Variants in IFT52 observed in about 807,000 individuals in gnomAD.
IFT52 encodes the protein intraflagellar transport protein 52 homolog.
IFT52 carries 44 observed loss-of-function variants against 54.4 expected under a neutral mutation model. The observed-to-expected ratio is 0.81, with a 90% CI of 0.63 to 1.04. IFT52 has a LOEUF of 1.04. Among genes scored for constraint, IFT52 ranks in the 50% least tolerant of loss-of-function variants. The pLI, the probability that IFT52 is intolerant of heterozygous loss-of-function variation, is 0.00. For missense variants in IFT52, 452 were observed against 523.6 expected (o/e 0.86, Z 1.33); for synonymous variants, 181 against 185.3 (o/e 0.98, Z 0.19).
intron 6 of IFT52, among the ~76,000 whole-genome samples, chr20:43,606,798 A>G (rs1005924011): frequency 6.6e-6 from 1 of 152,172 alleles, no homozygotes; most frequent in South Asian, 2.1e-4. Flanking sequence ...CTTAACGAGC[A>G]TGCTGCCTTC....
intron 13 of IFT52, 23 bp downstream of exon 13, chr20:43,642,647 T>C: frequency 6.2e-7 from 1 of 1,611,162 alleles, no homozygotes; most frequent in Non-Finnish European, 8.5e-7. Flanking sequence ...CAAGGCACAG[T>C]GTAGTGGGAG....
intron 6 of IFT52, 152 bp downstream of exon 6, chr20:43,605,225 A>C (rs1982768842): frequency 3.5e-6 from 5 of 1,433,968 alleles, no homozygotes; most frequent in Non-Finnish European, 4.6e-6. Flanking sequence ...CTGTAAGTCC[A>C]TGCTCCTCCC....
At chr20:43,606,281 T>C (rs1379091910) in intron 6 of IFT52, among the ~76,000 whole-genome samples, 1 of 150,174 alleles carries the variant, frequency 6.7e-6, no homozygotes, top group Non-Finnish European at 1.5e-5. Flanking sequence ...ATCTTTTTTT[T>C]TTTTTTTTTT....
chr20:43,622,508 CG>C (rs1984379704), intron 9 of IFT52, among the ~76,000 whole-genome samples: 1 of 151,526 alleles, frequency 6.6e-6, no homozygotes, highest in African/African-American at 2.4e-5. Context: ...GAGGCTGAGG[CG>C]GGAGAATGGC....
chr20:43,630,897 G>A (rs1025720950), intron 10 of IFT52, among the ~76,000 whole-genome samples: 3 of 152,240 alleles, frequency 2.0e-5, no homozygotes, highest in Admixed American at 6.5e-5. Context: ...GGTGAGCAGA[G>A]TGGAGGAAGG....
intron 8 of IFT52, among the ~76,000 whole-genome samples, chr20:43,620,202 C>T (rs1984185278): frequency 6.6e-6 from 1 of 151,934 alleles, no homozygotes; most frequent in Non-Finnish European, 1.5e-5. Flanking sequence ...CAGCTTGAGC[C>T]ACCACTCCCG....
chr20:43,621,502 C>G (rs534895834), intron 9 of IFT52, among the ~76,000 whole-genome samples: 1 of 152,234 alleles, frequency 6.6e-6, no homozygotes, highest in South Asian at 2.1e-4. Context: ...CGCTCTGTCG[C>G]CCAAGGCTGT....
At chr20:43,598,651 C>T (rs1260186149) in intron 3 of IFT52, among the ~76,000 whole-genome samples, 2 of 152,012 alleles carry the variant, frequency 1.3e-5, no homozygotes, top group Non-Finnish European at 2.9e-5. Context: ...GCCGAGATTG[C>T]GCCACCGCAC....
chr20:43,631,373 C>T (rs1985159075), intron 10 of IFT52, among the ~76,000 whole-genome samples: 1 of 152,040 alleles, frequency 6.6e-6, no homozygotes. Flanking sequence ...AAAGATTCTC[C>T]CCAAGCACCT....
intron 3 of IFT52, among the ~76,000 whole-genome samples, chr20:43,599,639 C>G (rs938631070): frequency 6.6e-6 from 1 of 152,128 alleles, no homozygotes; most frequent in South Asian, 2.1e-4. Context: ...TGCTGCTGGC[C>G]TCCTAGACTG....
chr20:43,616,544 T>C (rs570777661), intron 7 of IFT52, among the ~76,000 whole-genome samples: 26 of 150,812 alleles, frequency 1.7e-4, no homozygotes, highest in Non-Finnish European at 3.2e-4. Context: ...TGTAGAAATG[T>C]TACAATAATT....
At chr20:43,638,798 A>C (rs749630580) in intron 12 of IFT52, among the ~76,000 whole-genome samples, 4 of 152,246 alleles carry the variant, frequency 2.6e-5, no homozygotes, top group Non-Finnish European at 5.9e-5. Context: ...ACAGAATTTA[A>C]GAGAGAATCC....
intron 3 of IFT52, among the ~76,000 whole-genome samples, chr20:43,600,179 C>T (rs759111375): frequency 1.3e-5 from 2 of 151,966 alleles, no homozygotes; most frequent in Non-Finnish European, 2.9e-5. Context: ...TGTAGAACTC[C>T]GATGAATGGG....
At chr20:43,637,315 T>G (rs571068338) in intron 12 of IFT52, 62 bp downstream of exon 12, 10 of 895,426 alleles carry the variant, frequency 1.1e-5, no homozygotes, top group African/African-American at 5.2e-5. Flanking sequence ...CAGGCTGGAG[T>G]GCAATGGTGC....
intron 6 of IFT52, among the ~76,000 whole-genome samples, chr20:43,611,161 A>T (rs887105758): frequency 6.6e-6 from 1 of 152,094 alleles, no homozygotes; most frequent in Non-Finnish European, 1.5e-5. Flanking sequence ...GCTTTGAGGT[A>T]TCTTTGCCTG....
chr20:43,593,688 G>A (rs1339282355), intron 1 of IFT52, among the ~76,000 whole-genome samples: 1 of 152,070 alleles, frequency 6.6e-6, no homozygotes, highest in Non-Finnish European at 1.5e-5. Flanking sequence ...TTTCACCTCA[G>A]CCTCCCGAAT....
At chr20:43,614,727 AG>A (rs2145622703) in intron 7 of IFT52, among the ~76,000 whole-genome samples, 1 of 152,112 alleles carries the variant, frequency 6.6e-6, no homozygotes, top group South Asian at 2.1e-4. Context: ...CTATTTTTCC[AG>A]TTATTATCCT....
intron 1 of IFT52, among the ~76,000 whole-genome samples, chr20:43,591,348 G>C (rs1195221972): frequency 6.6e-6 from 1 of 152,202 alleles, no homozygotes; most frequent in East Asian, 1.9e-4. Flanking sequence ...GCGACCCCTC[G>C]GTATTCATGT....
intron 6 of IFT52, among the ~76,000 whole-genome samples, chr20:43,607,553 C>T (rs1250731667): frequency 6.8e-6 from 1 of 147,066 alleles, no homozygotes; most frequent in Non-Finnish European, 1.5e-5. Flanking sequence ...CAGAGGCGCT[C>T]CCCACATCTC....
Sources: allele counts gnomAD v4.1 joint callset (sites outside exome capture counted in the v4.1 genomes callset), GRCh38; gene constraint gnomAD v4.1.1; transcripts MANE v1.5; gene names NCBI Gene and HGNC (gene_info 2026-07-23, HGNC 2026-07-21).